The following OR2AT4 variants were observed in gnomAD, a reference collection of about 807,000 sequenced individuals.
OR2AT4 encodes the protein olfactory receptor family 2 subfamily AT member 4, also known as olfactory receptor 2AT4.
OR2AT4 carries 6 observed loss-of-function variants against 10.3 expected under a neutral mutation model. The ratio of observed to expected loss-of-function variants is 0.58; its 90% CI spans 0.32 to 1.15. The LOEUF is 1.15. Among genes scored for constraint, OR2AT4 ranks in the 50% most tolerant of loss-of-function variants. The pLI, the probability that OR2AT4 is intolerant of heterozygous loss-of-function variation, is 0.05. For synonymous variants in OR2AT4, 145 were observed against 159.1 expected (o/e 0.91, Z 0.67); for missense variants, 354 against 393.8 (o/e 0.90, Z 0.85).
chr11:75,094,797 G>A (rs1009629989), intron 1 of OR2AT4, among the ~76,000 whole-genome samples: 1 of 152,164 alleles, frequency 6.6e-6, no homozygotes, highest in Non-Finnish European at 1.5e-5. Context: ...CCACTCCATT[G>A]TGAATGCTCC....
chr11:75,088,441 T>C (rs1004320674), exon 2 of OR2AT4: 1 of 200,356 alleles, frequency 5.0e-6, no homozygotes, highest in South Asian at 1.7e-4. Flanking sequence ...TCTACACATA[T>C]ATTTTGCCCA....
exon 2 of OR2AT4, chr11:75,081,862 T>G (rs866575457): frequency 6.6e-6 from 1 of 152,052 alleles, no homozygotes; most frequent in Non-Finnish European, 1.5e-5. Context: ...AAAACATTGC[T>G]GAAAAAACTA....
At chr11:75,083,917 G>A (rs1048729808) in exon 2 of OR2AT4, 3 of 151,844 alleles carry the variant, frequency 2.0e-5, no homozygotes, top group African/African-American at 7.3e-5. Context: ...GCTGTGGTGA[G>A]CTGAGATCGT....
At position 75,088,967 on chromosome 11, in the gene OR2AT4, G is replaced by T. The variant is rs550191581; in HGVS notation, c.747C>A (p.His249Gln). ...AGTAGTAGGTGCCCACGACCAGAAG[G>T]TGGGAGCTGCAGGTGGAGAAGGCTT... The change falls in exon 2 of 2, where the codon CAC (histidine) becomes CAA (glutamine). Residue 249 changes from histidine to glutamine, a missense_variant. Transcript: ENST00000641504. 3 of 1,614,234 alleles carry T rather than the reference G, an allele frequency of 1.9e-6. No homozygotes were observed. The highest frequency in any genetic ancestry group is 1.7e-5 in the Admixed American group (1 of 60,030).
chr11:75,095,677 C>CT (rs11314522), intron 1 of OR2AT4, among the ~76,000 whole-genome samples: 49,537 of 127,796 alleles, frequency 0.39, 11,559 homozygotes, highest in Non-Finnish European at 0.52. Flanking sequence ...CACCTAACCT[C>CT]TTTTTTTTTT....
intron 1 of OR2AT4, among the ~76,000 whole-genome samples, chr11:75,095,261 C>T (rs1307052205): frequency 6.6e-6 from 1 of 152,234 alleles, no homozygotes; most frequent in Non-Finnish European, 1.5e-5. Flanking sequence ...ATTCCTTAGC[C>T]TGCTATTCAA....
At chr11:75,095,454 T>C (rs1004877950) in intron 1 of OR2AT4, among the ~76,000 whole-genome samples, 4 of 152,124 alleles carry the variant, frequency 2.6e-5, no homozygotes, top group Admixed American at 1.3e-4. Flanking sequence ...TGTTTGTCAT[T>C]ATTATGATTA....
intron 1 of OR2AT4, among the ~76,000 whole-genome samples, chr11:75,091,605 T>A (rs999216041): frequency 6.6e-6 from 1 of 152,104 alleles, no homozygotes; most frequent in Non-Finnish European, 1.5e-5. Context: ...CAGTAGAAAA[T>A]GTCTAAAATT....
intron 1 of OR2AT4, among the ~76,000 whole-genome samples, chr11:75,091,681 T>C (rs1176064135): frequency 6.6e-5 from 10 of 152,190 alleles, no homozygotes; most frequent in African/African-American, 2.4e-4. Flanking sequence ...TATGACTTAA[T>C]TGATATTAAG....
intron 1 of OR2AT4, among the ~76,000 whole-genome samples, chr11:75,093,810 C>CTTTTTTTTTTTTTTTTTTTT (rs556380402): frequency 3.9e-3 from 238 of 61,806 alleles, no homozygotes; most frequent in Non-Finnish European, 5.0e-3. Context: ...TTTTCTTTTT[C>CTTTTTTTTTTTTTTTTTTTT]TTTTTTTTTT....
intron 1 of OR2AT4, among the ~76,000 whole-genome samples, chr11:75,095,655 T>G (rs898779855): frequency 6.6e-6 from 1 of 150,594 alleles, no homozygotes; most frequent in African/African-American, 2.4e-5. Flanking sequence ...CCATTAGTGA[T>G]TAAATAGTTT....
chr11:75,084,673 C>T (rs1949281602), exon 2 of OR2AT4: 1 of 152,072 alleles, frequency 6.6e-6, no homozygotes, highest in South Asian at 2.1e-4. Flanking sequence ...CAATAGTAAT[C>T]ATACAAAGCA....
At chr11:75,083,324 A>C (rs1949274611) in exon 2 of OR2AT4, 1 of 152,196 alleles carries the variant, frequency 6.6e-6, no homozygotes, top group Non-Finnish European at 1.5e-5. Context: ...TCATCAGAGA[A>C]GTGCAAATCA....
At chr11:75,089,044 C>T (rs193123101) in exon 2 of OR2AT4, 2 of 1,614,052 alleles carry the variant, frequency 1.2e-6, no homozygotes, top group South Asian at 1.1e-5. Context: ...AGGATGTGGA[C>T]ATAGGAGAGA....
intron 1 of OR2AT4, among the ~76,000 whole-genome samples, chr11:75,093,818 T>C (rs1273310723): frequency 6.2e-4 from 40 of 64,416 alleles, no homozygotes; most frequent in Non-Finnish European, 5.2e-4. Context: ...TTCTTTTTTT[T>C]TTTTTTTTTT....
chr11:75,096,432 A>G (rs999290186), intron 1 of OR2AT4, among the ~76,000 whole-genome samples: 3 of 152,218 alleles, frequency 2.0e-5, no homozygotes, highest in Non-Finnish European at 4.4e-5. Context: ...GGAGCAGGAT[A>G]TACGTGAAGC....
intron 1 of OR2AT4, among the ~76,000 whole-genome samples, chr11:75,095,293 G>A (rs1364523832): frequency 2.0e-5 from 3 of 152,168 alleles, no homozygotes; most frequent in Non-Finnish European, 4.4e-5. Flanking sequence ...TTGCAGCCTT[G>A]TTTCTCCTTA....
chr11:75,087,656 T>C (rs2140278611), exon 2 of OR2AT4: 1 of 152,348 alleles, frequency 6.6e-6, no homozygotes. Context: ...TTCTTGTCCT[T>C]TTAATACATC....
intron 1 of OR2AT4, among the ~76,000 whole-genome samples, chr11:75,095,719 C>T (rs186429389): frequency 0.012 from 1,809 of 150,634 alleles, 20 homozygotes; most frequent in Non-Finnish European, 0.02. Flanking sequence ...GCTCTATCAC[C>T]CAGGCTGGAG....
Sources: gnomAD v4.1 joint callset for allele counts (sites outside exome capture counted in the v4.1 genomes callset) on GRCh38, gnomAD v4.1.1 for gene constraint, MANE v1.5 for transcripts, NCBI Gene and HGNC (gene_info 2026-07-23, HGNC 2026-07-21) for gene names.